Variants in SYTL3 observed in about 807,000 individuals in gnomAD.
SYTL3 encodes synaptotagmin-like protein 3.
SYTL3 carries 88 observed loss-of-function variants against 82.1 expected under a neutral mutation model. The observed-to-expected ratio is 1.07, with a 90% CI of 0.90 to 1.28. The LOEUF is 1.28. Among genes scored for constraint, SYTL3 ranks in the 50% most tolerant of loss-of-function variants. SYTL3 has a pLI of 0.00. For missense variants in SYTL3, 831 were observed against 757.6 expected (o/e 1.10, Z -1.14); for synonymous variants, 311 against 289.4 (o/e 1.07, Z -0.76).
chr6:158,647,339 A>G (rs907193779), upstream of SYTL3, among the ~76,000 whole-genome samples: 2 of 152,276 alleles, frequency 1.3e-5, no homozygotes, highest in Non-Finnish European at 2.9e-5. Context: ...TGAGGCTGCC[A>G]GTAAACGGAT....
intron 6 of SYTL3, among the ~76,000 whole-genome samples, chr6:158,687,733 G>A (rs1157240524): frequency 7.3e-6 from 1 of 137,118 alleles, no homozygotes; most frequent in East Asian, 2.0e-4. Context: ...CACTTCCAAC[G>A]TAGCAGCTCC....
chr6:158,687,688 C>T (rs1462564222), intron 6 of SYTL3, among the ~76,000 whole-genome samples: 1 of 152,208 alleles, frequency 6.6e-6, no homozygotes, highest in African/African-American at 2.4e-5. Flanking sequence ...TTTCTGCCTC[C>T]TGAGTCTCTG....
At chr6:158,753,599 G>A (rs1315177718) in intron 13 of SYTL3, among the ~76,000 whole-genome samples, 2 of 151,632 alleles carry the variant, frequency 1.3e-5, no homozygotes, top group East Asian at 2.0e-4. Context: ...GCGTGGTGGC[G>A]GGCGCCTGTA....
chr6:158,675,738 G>T (rs1777956584), intron 5 of SYTL3, among the ~76,000 whole-genome samples: 1 of 152,192 alleles, frequency 6.6e-6, no homozygotes, highest in Non-Finnish European at 1.5e-5. Context: ...ATGAGGTCAG[G>T]AGATCGAGAC....
intron 4 of SYTL3, among the ~76,000 whole-genome samples, chr6:158,664,854 T>C (rs1351658091): frequency 2.0e-5 from 3 of 152,092 alleles, no homozygotes; most frequent in African/African-American, 4.8e-5. Context: ...TCCAATACAG[T>C]ATCTCTTTGC....
At chr6:158,686,999 G>A (rs372477623) in intron 6 of SYTL3, among the ~76,000 whole-genome samples, 1 of 152,184 alleles carries the variant, frequency 6.6e-6, no homozygotes, top group African/African-American at 2.4e-5. Context: ...TTGTTGTCAT[G>A]GTACCGGCAA....
chr6:158,727,842 C>T (rs895456784), intron 11 of SYTL3, among the ~76,000 whole-genome samples: 20 of 152,084 alleles, frequency 1.3e-4, no homozygotes, highest in Non-Finnish European at 1.8e-4. Flanking sequence ...AGCCACTGTC[C>T]CCAGCCCCAA....
chr6:158,744,585 C>T (rs565377994), intron 11 of SYTL3, among the ~76,000 whole-genome samples: 1 of 152,264 alleles, frequency 6.6e-6, no homozygotes, highest in Admixed American at 6.5e-5. Context: ...TCCCGAAGTG[C>T]TGGGATTACA....
At position 158,665,467 on chromosome 6, in the gene SYTL3, G is replaced by A. The variant is rs755621075; in HGVS notation, c.183G>A (p.Lys61=). ...ACACGGACTGGGAGCACAAAGAGAA[G>A]TGCTGTGCGCGCTGCCAGCAGGTGC... is the stretch of plus-strand genomic sequence containing the variant. The part of the protein sequence containing the change: ...AKNTDWEHKE[K]CCARCQQVLG... The change falls in exon 5 of 18, where the codon AAG becomes AAA. Residue 61 remains lysine, a synonymous_variant. Transcript: ENST00000611299. The A allele has an allele frequency of 3.1e-6, 5 of 1,608,716 alleles. No individual in the cohort carries two copies. Among genetic ancestry groups the A allele is most frequent in the Non-Finnish European group, 4.2e-6 (5 of 1,177,654 alleles).
At chr6:158,711,095 G>A (rs1782718084) in intron 8 of SYTL3, among the ~76,000 whole-genome samples, 1 of 152,174 alleles carries the variant, frequency 6.6e-6, no homozygotes, top group South Asian at 2.1e-4. Flanking sequence ...TACGCATTTT[G>A]TAAGCACATG....
At chr6:158,648,601 A>T (rs1180169847), upstream of SYTL3, among the ~76,000 whole-genome samples, 136 of 138,202 alleles carry the variant, frequency 9.8e-4, no homozygotes, top group African/African-American at 3.5e-3. Flanking sequence ...AAAAAAAAAA[A>T]AAAAAAAATA....
intron 12 of SYTL3, 58 bp downstream of exon 12, chr6:158,745,716 A>C: frequency 7.4e-7 from 1 of 1,359,486 alleles, no homozygotes; most frequent in South Asian, 1.4e-5. Context: ...TGTATATGAA[A>C]AAGTAAAAGT....
chr6:158,745,885 G>A (rs1197789596), intron 12 of SYTL3, among the ~76,000 whole-genome samples: 2 of 152,160 alleles, frequency 1.3e-5, no homozygotes, highest in African/African-American at 4.8e-5. Flanking sequence ...AGACCTTAGC[G>A]TATATGAAAA....
At chr6:158,725,856 T>A in intron 11 of SYTL3, 1 of 712,210 alleles carries the variant, frequency 1.4e-6, no homozygotes, top group Non-Finnish European at 2.5e-6. Context: ...TTACTCCAGG[T>A]GTGTCAGCAG....
At chr6:158,671,747 A>AAAAAAAAAG (rs1554243607) in intron 5 of SYTL3, among the ~76,000 whole-genome samples, 1 of 149,082 alleles carries the variant, frequency 6.7e-6, no homozygotes, top group African/African-American at 2.5e-5. Context: ...AAAAAAAAAA[A>AAAAAAAAAG]AAGATAATTA....
intron 2 of SYTL3, among the ~76,000 whole-genome samples, chr6:158,659,000 T>G (rs908303681): frequency 1.3e-5 from 2 of 152,194 alleles, no homozygotes; most frequent in Admixed American, 1.3e-4. Flanking sequence ...ACCATAGGGT[T>G]GGTTGATTGT....
intron 3 of SYTL3, among the ~76,000 whole-genome samples, chr6:158,662,237 A>T (rs1789461165): frequency 6.6e-6 from 1 of 152,164 alleles, no homozygotes; most frequent in Non-Finnish European, 1.5e-5. Context: ...AAGTATATTG[A>T]TTTGATCTTC....
At chr6:158,693,855 C>CTTTTATTTTCTTTTCTTTT in intron 6 of SYTL3, among the ~76,000 whole-genome samples, 1 of 96,864 alleles carries the variant, frequency 1.0e-5, no homozygotes, top group African/African-American at 5.4e-5. Context: ...TTTTTCTTTT[C>CTTTTATTTTCTTTTCTTTT]TTTTTTTTTT....
rs560367470 is a variant in SYTL3, at chr6:158,740,172, T to G, written c.856-5308T>G. ...CCATCACACCAGGCTAATTTTTGTA[T>G]TTTTAGTAGATTCAGGTTTCACCAT... On this transcript the variant is annotated intron_variant, in intron 11 of 17. Transcript: ENST00000611299. Among the ~76,000 whole-genome samples, 6 of 152,060 alleles carry G rather than the reference T, an allele frequency of 3.9e-5. No homozygotes were observed. In the South Asian group the frequency reaches 6.2e-4, roughly 16 times the overall value.
Sources: allele counts gnomAD v4.1 joint callset (sites outside exome capture counted in the v4.1 genomes callset), GRCh38; gene constraint gnomAD v4.1.1; transcripts MANE v1.5; gene names NCBI Gene and HGNC (gene_info 2026-07-23, HGNC 2026-07-21).